The following NKAIN2 variants were observed in gnomAD, a reference collection of about 807,000 sequenced individuals.
NKAIN2 encodes sodium/potassium transporting ATPase interacting 2, also known as sodium/potassium-transporting ATPase subunit beta-1-interacting protein 2.
In NKAIN2, 14 loss-of-function variants were observed where a neutral mutation model predicts 32.6. The ratio of observed to expected loss-of-function variants is 0.43; its 90% confidence interval spans 0.28 to 0.67. NKAIN2 has a LOEUF of 0.67. NKAIN2 is among the 30% of genes least tolerant of loss of function. NKAIN2 has a pLI of 0.17. For synonymous variants in NKAIN2, 80 were observed against 87.2 expected (o/e 0.92, Z 0.46); for missense variants, 198 against 258.3 (o/e 0.77, Z 1.60).
intron 1 of NKAIN2, among the ~76,000 whole-genome samples, chr6:123,909,459 C>CTGA (rs1775057225): frequency 6.6e-6 from 1 of 152,126 alleles, no homozygotes; most frequent in South Asian, 2.1e-4. Context: ...GTCCTGCCAC[C>CTGA]CTCTCTGAGT....
intron 1 of NKAIN2, among the ~76,000 whole-genome samples, chr6:123,894,541 G>A (rs1256149516): frequency 6.6e-6 from 1 of 152,132 alleles, no homozygotes; most frequent in Non-Finnish European, 1.5e-5. Context: ...TTCAAGGAAG[G>A]AGATGAGGTA....
chr6:124,391,725 G>A (rs533263803), intron 3 of NKAIN2, among the ~76,000 whole-genome samples: 2 of 152,254 alleles, frequency 1.3e-5, no homozygotes, highest in South Asian at 2.1e-4. Context: ...GATGTTCAAA[G>A]ACCAGGAAAT....
At chr6:124,513,854 A>G (rs73565307) in intron 3 of NKAIN2, among the ~76,000 whole-genome samples, 17,978 of 152,152 alleles carry the variant, frequency 0.12, 1,267 homozygotes, top group African/African-American at 0.2. Context: ...ACATGAAATC[A>G]TAACCCATAA....
intron 2 of NKAIN2, among the ~76,000 whole-genome samples, chr6:124,348,954 C>A (rs1043145817): frequency 4.6e-5 from 7 of 152,204 alleles, no homozygotes; most frequent in Non-Finnish European, 7.3e-5. Context: ...TATCCCACAC[C>A]TGGCTCGGAG....
intron 4 of NKAIN2, among the ~76,000 whole-genome samples, chr6:124,789,663 A>C (rs1434340288): frequency 6.6e-6 from 1 of 152,134 alleles, no homozygotes; most frequent in East Asian, 1.9e-4. Flanking sequence ...TGCTAAAGCC[A>C]AACAGGAAAA....
chr6:124,296,853 G>A (rs1002490464), intron 2 of NKAIN2, among the ~76,000 whole-genome samples: 1 of 152,136 alleles, frequency 6.6e-6, no homozygotes, highest in South Asian at 2.1e-4. Flanking sequence ...TGATGTGCCT[G>A]CTTCTTTAGT....
intron 1 of NKAIN2, among the ~76,000 whole-genome samples, chr6:123,915,503 A>G (rs1383441923): frequency 6.6e-6 from 1 of 152,162 alleles, no homozygotes; most frequent in Non-Finnish European, 1.5e-5. Context: ...GTGGTAAGTC[A>G]TCCATGTGAC....
chr6:124,447,033 T>A (rs1401467524), intron 3 of NKAIN2, among the ~76,000 whole-genome samples: 1 of 152,158 alleles, frequency 6.6e-6, no homozygotes, highest in Non-Finnish European at 1.5e-5. Context: ...TGAGATACCC[T>A]GGATGGCTTT....
chr6:124,233,563 C>G (rs1387231992), intron 1 of NKAIN2, among the ~76,000 whole-genome samples: 2 of 152,178 alleles, frequency 1.3e-5, no homozygotes, highest in African/African-American at 4.8e-5. Flanking sequence ...TTCCTTTCCT[C>G]AAATTCACTC....
chr6:124,289,607 C>T (rs1253147337), intron 2 of NKAIN2, among the ~76,000 whole-genome samples: 1 of 152,084 alleles, frequency 6.6e-6, no homozygotes, highest in African/African-American at 2.4e-5. Flanking sequence ...CTCTAAATTT[C>T]TAGAATTTAC....
chr6:124,175,504 T>C (rs938272538), intron 1 of NKAIN2, among the ~76,000 whole-genome samples: 1 of 152,230 alleles, frequency 6.6e-6, no homozygotes, highest in Non-Finnish European at 1.5e-5. Context: ...TTTCACATAA[T>C]GTCTACACTG....
intron 3 of NKAIN2, among the ~76,000 whole-genome samples, chr6:124,529,357 T>C (rs182172746): frequency 6.6e-6 from 1 of 152,210 alleles, no homozygotes; most frequent in Admixed American, 6.5e-5. Flanking sequence ...TGTTTGTGCA[T>C]TGGCTTCACT....
At chr6:124,648,774 G>C (rs1784266062) in intron 3 of NKAIN2, among the ~76,000 whole-genome samples, 1 of 152,096 alleles carries the variant, frequency 6.6e-6, no homozygotes, top group Non-Finnish European at 1.5e-5. Flanking sequence ...ATTAGTGGTA[G>C]ATATGCCACA....
At chr6:124,105,066 AACTCGTCATAAAGAAT>A in intron 1 of NKAIN2, among the ~76,000 whole-genome samples, 1 of 152,228 alleles carries the variant, frequency 6.6e-6, no homozygotes, top group East Asian at 1.9e-4. Flanking sequence ...GGCAGGGCTG[AACTCGTCATAAAGAAT>A]GAAGTCTGTC....
At chr6:124,646,115 TTTAC>T (rs909894540) in intron 3 of NKAIN2, among the ~76,000 whole-genome samples, 43 of 152,158 alleles carry the variant, frequency 2.8e-4, no homozygotes, top group African/African-American at 9.4e-4. Flanking sequence ...GTTTTTAATA[TTTAC>T]TTATTTATTT....
chr6:124,507,810 A>T (rs1053575805), intron 3 of NKAIN2, among the ~76,000 whole-genome samples: 1 of 152,296 alleles, frequency 6.6e-6, no homozygotes, highest in South Asian at 2.1e-4. Flanking sequence ...AAACCCGGGG[A>T]CATAATAGAA....
intron 4 of NKAIN2, among the ~76,000 whole-genome samples, chr6:124,706,509 A>G (rs1035759001): frequency 1.3e-5 from 2 of 151,926 alleles, no homozygotes; most frequent in African/African-American, 4.8e-5. Flanking sequence ...AAAAAACAAA[A>G]AAAAGATTGA....
intron 3 of NKAIN2, among the ~76,000 whole-genome samples, chr6:124,393,939 C>T (rs1228386841): frequency 1.3e-5 from 2 of 152,044 alleles, no homozygotes; most frequent in African/African-American, 4.8e-5. Flanking sequence ...GAAGTAAAAT[C>T]CATTGATTAA....
At chr6:124,164,434 G>A (rs1043516150) in intron 1 of NKAIN2, among the ~76,000 whole-genome samples, 1 of 151,996 alleles carries the variant, frequency 6.6e-6, no homozygotes, top group African/African-American at 2.4e-5. Flanking sequence ...GAACACAATA[G>A]TTTCTTTTGA....
Sources: gnomAD v4.1 joint callset for allele counts (sites outside exome capture counted in the v4.1 genomes callset) on GRCh38, gnomAD v4.1.1 for gene constraint, MANE v1.5 for transcripts, NCBI Gene and HGNC (gene_info 2026-07-23, HGNC 2026-07-21) for gene names.